ITGAM: variants seen among roughly 807,000 people sequenced by gnomAD.
The protein encoded by ITGAM is integrin alpha-M.
A neutral mutation model predicts 137.5 loss-of-function variants in ITGAM; 79 were observed. The ratio of observed to expected loss-of-function variants is 0.57; its 90% CI spans 0.48 to 0.69. ITGAM has a LOEUF of 0.69. Among genes scored for constraint, ITGAM ranks in the 30% least tolerant of loss-of-function variants. The pLI is 0.00. For synonymous variants in ITGAM, 583 were observed against 592.3 expected, an observed-to-expected ratio of 0.98 and a Z score of 0.23; for missense variants, 1,343 against 1,483.5, an observed-to-expected ratio of 0.91 and a Z score of 1.56.
rs1359824724 is a variant in ITGAM at position 31,265,870 on chromosome 16, C to T, written c.298C>T (p.Pro100Ser). ...GTCCCTGGCAGCCACCACCAGCCCC[C>T]CTCAGCTGCTGGTGAGTGGGGCTCG... The part of the protein sequence containing the change: ...GLSLAATTSP[P>S]QLLACGPTVH... The change falls in exon 4 of 30, where the codon CCT becomes TCT. Residue 100 changes from proline (P) to serine (S), a missense_variant. By Grantham distance (74) the Pro-to-Ser change is moderately conservative. Transcript: ENST00000544665. 1 of 1,613,762 alleles carries T rather than the reference C, an allele frequency of 6.2e-7. No homozygotes were observed. The highest frequency in any genetic ancestry group is 2.2e-5 in the East Asian group (1 of 44,852).
chr16:31,329,862 AC>A lies in ITGAM; in HGVS notation c.2935del (p.Gln979ArgfsTer42), dbSNP rs1206434220. 4 of 1,564,708 alleles carry A rather than the reference AC, an allele frequency of 2.6e-6. No individual in the cohort carries two copies. ...GTGTTCTTGGTGCCCGTCCGGCTGA[AC>A]CAGACTGTCATATGGGACCGCCCCC... is the stretch of plus-strand genomic sequence containing the variant. ...SLVFLVPVRL[N>X]QTVIWDRPQV... On this transcript the variant is annotated frameshift_variant, in exon 25 of 30. Transcript: ENST00000544665. LOFTEE classifies it high-confidence loss of function.
At chr16:31,329,660 A>G (rs2080554388) in intron 24 of ITGAM, 138 bp from the exon 25 acceptor site, 2 of 677,004 alleles carry the variant, frequency 3.0e-6, no homozygotes, top group Non-Finnish European at 5.1e-6. Context: ...AATGCGTATT[A>G]CATGTACACT....
At chr16:31,329,187 C>T in intron 23 of ITGAM, 41 bp from the exon 24 acceptor site, 2 of 1,399,632 alleles carry the variant, frequency 1.4e-6, no homozygotes, top group Non-Finnish European at 2.0e-6. Context: ...CAGGGCACCC[C>T]TCATGTTTTG....
chr16:31,310,515 G>A (rs2080315391), intron 14 of ITGAM, among the ~76,000 whole-genome samples: 1 of 152,168 alleles, frequency 6.6e-6, no homozygotes, highest in Non-Finnish European at 1.5e-5. Context: ...CATTCGTCAC[G>A]TAGTTCTCGT....
In ITGAM at chr16:31,315,024, G is replaced by C. The variant is rs554729691; in HGVS notation, c.1708-6217G>C. On this transcript the variant is annotated intron_variant, in intron 14 of 29. Coordinates refer to ENST00000544665, the MANE Select transcript of ITGAM (RefSeq NM_000632.4). ...GATGGCATTTCACCATGTTGGCCAG[G>C]CTGGTCTCAAACTCCTGATCTCAAG... Among the ~76,000 whole-genome samples the C allele has an allele frequency of 4.2e-4, 64 of 152,002 alleles. No individual in the cohort carries two copies. In the East Asian group the frequency reaches 0.011, roughly 27 times the overall value.
intron 16 of ITGAM, 64 bp downstream of exon 16, chr16:31,321,691 C>A: frequency 6.6e-7 from 1 of 1,516,278 alleles, no homozygotes; most frequent in Non-Finnish European, 9.0e-7. Context: ...GTGCTGCAAT[C>A]CACTCTGCCC....
At chr16:31,323,414 G>A (rs1249319089) in intron 16 of ITGAM, among the ~76,000 whole-genome samples, 8 of 133,252 alleles carry the variant, frequency 6.0e-5, no homozygotes, top group African/African-American at 1.5e-4. Context: ...TGACAAGAGC[G>A]AAACTCCATT....
intron 2 of ITGAM, 57 bp downstream of exon 2, chr16:31,261,854 C>A: frequency 1.8e-6 from 2 of 1,086,012 alleles, no homozygotes; most frequent in Non-Finnish European, 2.7e-6. Flanking sequence ...GACTTACATA[C>A]CTGAAAAAAA....
rs974107723 is a variant in ITGAM, at chr16:31,282,046, T to C, written c.1356+3937T>C. The stretch of plus-strand genomic sequence containing the variant: ...GAGCGGTTTTGAGTGAGTTTCTTAA[T>C]CCTGAGTTCTAGTTTGATTGCACTG... On this transcript the variant is annotated intron_variant, in intron 12 of 29. Coordinates refer to ENST00000544665, the MANE Select transcript of ITGAM (RefSeq NM_000632.4). 9.2e-5 allele frequency among the ~76,000 whole-genome samples: 14 copies of C among 152,348 alleles called. No homozygotes were observed. The South Asian group carries it at 1.0e-3, about 11-fold the overall frequency.
chr16:31,308,043 G>T (rs1328049498), intron 14 of ITGAM, among the ~76,000 whole-genome samples: 1 of 151,878 alleles, frequency 6.6e-6, no homozygotes, highest in Non-Finnish European at 1.5e-5. Flanking sequence ...TGCTGGATTC[G>T]GTTTGCCAGT....
chr16:31,275,643 T>A lies in ITGAM; in HGVS notation c.953T>A (p.Phe318Tyr), dbSNP rs61755177. 2,917 of 1,613,894 alleles carry A rather than the reference T, an allele frequency of 1.8e-3. 12 individuals carry two copies. Among genetic ancestry groups the A allele is most frequent in the Non-Finnish European group, 1.6e-3 (1,898 of 1,179,878 alleles). ...PRDHVFQVNNFEALKTIQNQL... is the reference protein window; with the variant it reads ...PRDHVFQVNNYEALKTIQNQL... ...GATCACGTGTTCCAGGTGAATAACT[T>A]TGAGGCTCTGAAGACCATTCAGAAC... Residue 318 changes from phenylalanine to tyrosine, a missense_variant, in exon 9 of 30, where the codon TTT becomes TAT. Coordinates refer to ENST00000544665, the MANE Select transcript of ITGAM (RefSeq NM_000632.4).
At chr16:31,314,647 T>G (rs1246882062) in intron 14 of ITGAM, among the ~76,000 whole-genome samples, 1 of 152,130 alleles carries the variant, frequency 6.6e-6, no homozygotes, top group Admixed American at 6.6e-5. Context: ...GTAGTATAGT[T>G]TGAAGTCAGG....
rs775845981 is a variant in ITGAM at position 31,328,160 on chromosome 16, C to T, written c.2722C>T (p.Pro908Ser). 1 of 1,613,742 alleles carries T rather than the reference C, an allele frequency of 6.2e-7. No homozygotes were observed. Among genetic ancestry groups the T allele is most frequent in the Non-Finnish European group, 8.5e-7 (1 of 1,179,684 alleles). Residue 908 changes from proline to serine, a missense_variant, in exon 23 of 30, where the codon CCC becomes TCC. Physicochemically the swap from Pro to Ser is moderately conservative, Grantham distance 74. Coordinates refer to ENST00000544665, the MANE Select transcript of ITGAM (RefSeq NM_000632.4). The part of the protein sequence containing the change: ...KANVTSENNM[P>S]RTNKTEFQLE... ...CTTTCCCTCCAGTGAGAACAACATG[C>T]CCAGAACCAACAAAACCGAATTCCA... is the stretch of plus-strand genomic sequence containing the variant.
rs189400029 is a variant in ITGAM, at chr16:31,279,660, T to G, written c.1356+1551T>G. ...TTAGCCATTTGTCAGATGGGTAGAT[T>G]GTAAAAATTTTCTCCCATTCTGTAG... On this transcript the variant is annotated intron_variant, in intron 12 of 29. Transcript: ENST00000544665. Among the ~76,000 whole-genome samples, 42 of 152,348 alleles carry G rather than the reference T, an allele frequency of 2.8e-4. No individual in the cohort carries two copies. The East Asian group carries it at 6.4e-3, about 23-fold the overall frequency.
At position 31,331,251 on chromosome 16, in the gene ITGAM, C is replaced by T. The variant is rs1143677; in HGVS notation, c.3363C>T (p.Ala1121=). The T allele has an allele frequency of 1.4e-5, 23 of 1,611,526 alleles. No individual in the cohort carries two copies. The African/African-American group carries it at 2.3e-4, about 16-fold the overall frequency. Residue 1121 remains alanine, a synonymous_variant, in exon 29 of 30, where the codon GCC becomes GCT. Transcript: ENST00000544665. The part of the protein sequence containing the change: ...GSSVGGLLLL[A]LITAALYKLG... ...CTGTCGGGGGACTGCTGCTCCTGGCCCTCATCACCGCCGCGCTGTACAAGG... is the reference window on the plus strand; with the variant it reads ...CTGTCGGGGGACTGCTGCTCCTGGCTCTCATCACCGCCGCGCTGTACAAGG...
chr16:31,330,589 C>G lies in ITGAM; in HGVS notation c.3260C>G (p.Ala1087Gly). ...SVFTLLPGQG[A>G]FVRSQTETKV... ...TTCACCCTGCTGCCGGGACAGGGGGCGTTTGTGAGGTCCCAGGTACCTGTC... is the reference window on the plus strand; with the variant it reads ...TTCACCCTGCTGCCGGGACAGGGGGGGTTTGTGAGGTCCCAGGTACCTGTC... The change falls in exon 28 of 30, where the codon GCG becomes GGG. Residue 1087 changes from alanine (A) to glycine (G), a missense_variant. Transcript: ENST00000544665. The G allele has an allele frequency of 6.2e-7, 1 of 1,609,430 alleles. No individual in the cohort carries two copies. The highest frequency in any genetic ancestry group is 8.5e-7 in the Non-Finnish European group (1 of 1,177,234).
At position 31,280,048 on chromosome 16, in the gene ITGAM, G is replaced by A. The variant is rs550165493; in HGVS notation, c.1356+1939G>A. 1.1e-4 allele frequency among the ~76,000 whole-genome samples: 17 copies of A among 152,264 alleles called. No homozygotes were observed. The South Asian group carries it at 3.5e-3, about 32-fold the overall frequency. ...GTTTGTCAAAGATCAGATGGTTGTA[G>A]ATGTGTGGTATTATTTCTGAGGGCC... On this transcript the variant is annotated intron_variant, in intron 12 of 29. Transcript: ENST00000544665.
At chr16:31,275,502 T>C in intron 8 of ITGAM, 47 bp from the exon 9 acceptor site, 2 of 1,588,790 alleles carry the variant, frequency 1.3e-6, no homozygotes, top group Non-Finnish European at 1.7e-6. Context: ...TGCCAGATGA[T>C]ATTGCTAGCC....
At chr16:31,311,930 A>T (rs1457595736) in intron 14 of ITGAM, among the ~76,000 whole-genome samples, 2 of 152,080 alleles carry the variant, frequency 1.3e-5, no homozygotes, top group Admixed American at 6.6e-5. Flanking sequence ...TGTGGCACAT[A>T]TACACCATGG....
Sources: allele counts gnomAD v4.1 joint callset (sites outside exome capture counted in the v4.1 genomes callset), GRCh38; gene constraint gnomAD v4.1.1; transcripts MANE v1.5; gene names NCBI Gene and HGNC (gene_info 2026-07-23, HGNC 2026-07-21).